TMEM128: variants seen among roughly 807,000 people sequenced by gnomAD.
The protein encoded by TMEM128 is transmembrane protein 128.
TMEM128 carries 16 observed loss-of-function variants against 19.7 expected under a neutral mutation model. That is an observed-to-expected ratio of 0.81 (90% CI 0.55 to 1.23). The LOEUF is 1.23. Ranked by LOEUF, TMEM128 falls within the 50% of genes most tolerant of loss-of-function variation. The probability of loss-of-function intolerance (pLI) is 0.00; values close to 1 mark genes in which losing one functional copy is unlikely to be tolerated. For missense variants in TMEM128, 237 were observed against 200.8 expected, an observed-to-expected ratio of 1.18 and a Z score of -1.09; for synonymous variants, 98 against 75.8, an observed-to-expected ratio of 1.29 and a Z score of -1.52.
intron 2 of TMEM128, among the ~76,000 whole-genome samples, chr4:4,244,086 C>T (rs1718068715): frequency 6.6e-6 from 1 of 152,142 alleles, no homozygotes; most frequent in African/African-American, 2.4e-5. Context: ...AGAAATGCAC[C>T]TTCCACGTGT....
At chr4:4,243,678 C>G (rs962812918) in intron 2 of TMEM128, among the ~76,000 whole-genome samples, 11 of 152,154 alleles carry the variant, frequency 7.2e-5, no homozygotes, top group Admixed American at 7.2e-4. Context: ...GCCTTTTTCT[C>G]TCTAAGATGA....
chr4:4,237,595 G>T (rs1485035947), intron 4 of TMEM128, among the ~76,000 whole-genome samples: 1 of 152,166 alleles, frequency 6.6e-6, no homozygotes, highest in African/African-American at 2.4e-5. Context: ...AGTGAGCTGT[G>T]ATCATGCCAC....
chr4:4,240,759 TC>T (rs1357383049), intron 2 of TMEM128, among the ~76,000 whole-genome samples: 2 of 152,158 alleles, frequency 1.3e-5, no homozygotes, highest in Admixed American at 1.3e-4. Context: ...AAAATTCTGG[TC>T]ATGACAATGC....
chr4:4,240,594 G>C (rs1336474882), intron 2 of TMEM128, 115 bp from the exon 3 acceptor site: 4 of 1,182,134 alleles, frequency 3.4e-6, no homozygotes, highest in Non-Finnish European at 4.7e-6. Context: ...GTGTTGCAGA[G>C]GGAGCCATAC....
At chr4:4,241,086 CA>C (rs1205457827) in intron 2 of TMEM128, among the ~76,000 whole-genome samples, 1 of 152,002 alleles carries the variant, frequency 6.6e-6, no homozygotes, top group African/African-American at 2.4e-5. Context: ...AACTCTGTCT[CA>C]AAAAATAAAA....
intron 2 of TMEM128, among the ~76,000 whole-genome samples, chr4:4,241,180 ATCAGTGGGAAACTTCAT>A (rs1717945656): frequency 6.6e-6 from 1 of 152,252 alleles, no homozygotes; most frequent in African/African-American, 2.4e-5. Context: ...AAAGAAGTTT[ATCAGTGGGAAACTTCAT>A]TCCTCCAAGT....
intron 2 of TMEM128, among the ~76,000 whole-genome samples, chr4:4,245,565 T>C (rs367852836): frequency 1.3e-5 from 2 of 152,188 alleles, no homozygotes; most frequent in African/African-American, 4.8e-5. Context: ...AGGTTCTTCT[T>C]AAATTTACTA....
intron 2 of TMEM128, among the ~76,000 whole-genome samples, 187 bp downstream of exon 2, chr4:4,246,015 T>C (rs933737160): frequency 3.9e-5 from 6 of 152,208 alleles, no homozygotes. Flanking sequence ...CCAGACCTTA[T>C]TCATCTTATA....
At chr4:4,243,835 G>A (rs1159422713) in intron 2 of TMEM128, among the ~76,000 whole-genome samples, 2 of 152,138 alleles carry the variant, frequency 1.3e-5, no homozygotes, top group Admixed American at 6.5e-5. Context: ...AATATCTTAT[G>A]TGTGATCATT....
At chr4:4,239,335 T>C (rs1318707790) in intron 3 of TMEM128, among the ~76,000 whole-genome samples, 52 of 152,210 alleles carry the variant, frequency 3.4e-4, no homozygotes, top group Admixed American at 1.5e-3. Context: ...AATCATGTTA[T>C]GTCCATGCTG....
intron 2 of TMEM128, among the ~76,000 whole-genome samples, chr4:4,243,433 AC>A (rs1156562705): frequency 6.6e-6 from 1 of 152,154 alleles, no homozygotes; most frequent in African/African-American, 2.4e-5. Flanking sequence ...AATATAAAGA[AC>A]CTTAAGGCCT....
At chr4:4,241,822 T>C (rs1021579105) in intron 2 of TMEM128, among the ~76,000 whole-genome samples, 10 of 152,228 alleles carry the variant, frequency 6.6e-5, no homozygotes, top group Admixed American at 5.2e-4. Flanking sequence ...GCTGTGAGAA[T>C]TAAATCAAGT....
Position 4,246,248 on chromosome 4 carries a change from A to C in TMEM128, c.193T>G (p.Tyr65Asp), listed in dbSNP as rs1321803044. The C allele has an allele frequency of 6.2e-7, 1 of 1,612,764 alleles. No individual in the cohort carries two copies. The highest frequency in any genetic ancestry group is 2.2e-5 in the East Asian group (1 of 44,806). Residue 65 changes from tyrosine to aspartate, a missense_variant, in exon 2 of 5, where the codon TAT becomes GAT. Coordinates refer to ENST00000382753, the MANE Select transcript of TMEM128 (RefSeq NM_001297551.2). ...TTAAGGGTTTTAAAGAAGTCAACAT[A>C]ATAGGTCACAACAATGGATGCCAAA... ...WILASIVVTY[Y>D]VDFFKTLKEN...
chr4:4,242,013 T>G (rs371745733), intron 2 of TMEM128, among the ~76,000 whole-genome samples: 1 of 152,174 alleles, frequency 6.6e-6, no homozygotes, highest in Non-Finnish European at 1.5e-5. Flanking sequence ...CCAATTCTCC[T>G]GCCTCAGCCT....
chr4:4,247,579 G>A (rs778783690), intron 1 of TMEM128: 2 of 1,614,058 alleles, frequency 1.2e-6, no homozygotes, highest in East Asian at 2.2e-5. Flanking sequence ...GCATTCACAG[G>A]TGAACATACA....
chr4:4,245,169 C>A (rs1382457153), intron 2 of TMEM128, among the ~76,000 whole-genome samples: 1 of 152,140 alleles, frequency 6.6e-6, no homozygotes, highest in East Asian at 1.9e-4. Context: ...ATGATGCTCA[C>A]CAACATACCT....
rs949998307 is a variant in TMEM128, at chr4:4,248,192, G to A, written c.11C>T (p.Ser4Leu). 2 of 1,525,666 alleles carry A rather than the reference G, an allele frequency of 1.3e-6. No homozygotes were observed. The highest frequency in any genetic ancestry group is 1.2e-5 in the South Asian group (1 of 82,740). 94.5% of individuals were successfully genotyped at this position (1,525,666 alleles called of 1,614,324 possible). MDS[S>L]RARQQLRRRF... ...CCGCCGGAGCTGCTGCCGGGCCCGC[G>A]AGGAGTCCATCTTGGTACCGCCCCG... Residue 4 changes from serine (S) to leucine (L), a missense_variant, in exon 1 of 5, where the codon TCG (serine) becomes TTG (leucine). Physicochemically the swap from Ser to Leu is moderately radical, Grantham distance 145. Coordinates refer to ENST00000382753, the MANE Select transcript of TMEM128 (RefSeq NM_001297551.2).
chr4:4,240,437 T>C lies in TMEM128; in HGVS notation c.282A>G (p.Ser94=), dbSNP rs373499108. Residue 94 remains serine (S), a synonymous_variant, in exon 3 of 5, where the codon TCA becomes TCG. Transcript: ENST00000382753. ...CGSALLLVSL[S]IAFYCIVYLE... is the part of the protein sequence containing the mutation. ...GGTAGACTATGCAGTAAAATGCAAT[T>C]GATAAACTGACAAGCAACAAGGCAC... 1.9e-6 allele frequency: 3 copies of C among 1,613,702 alleles called. No homozygotes were observed. Among genetic ancestry groups the C allele is most frequent in the Non-Finnish European group, 2.5e-6 (3 of 1,179,808 alleles).
At chr4:4,240,599 C>G (rs1354922558) in intron 2 of TMEM128, 120 bp from the exon 3 acceptor site, 1 of 1,129,018 alleles carries the variant, frequency 8.9e-7, no homozygotes, top group African/African-American at 1.6e-5. Flanking sequence ...GCAGAGGGAG[C>G]CATACTTAAA....
Sources: allele counts gnomAD v4.1 joint callset (sites outside exome capture counted in the v4.1 genomes callset), GRCh38; gene constraint gnomAD v4.1.1; transcripts MANE v1.5; gene names NCBI Gene and HGNC (gene_info 2026-07-23, HGNC 2026-07-21).